Variants in CCM2 observed in about 807,000 individuals in gnomAD.
The protein encoded by CCM2 is cerebral cavernous malformations 2 protein.
In CCM2, 25 loss-of-function variants were observed where a neutral mutation model predicts 44.9. The observed-to-expected ratio is 0.56, with a 90% CI of 0.41 to 0.78. The LOEUF is 0.78. Among genes scored for constraint, CCM2 ranks in the 30% least tolerant of loss-of-function variants. CCM2 has a pLI of 0.00. For missense variants in CCM2, 481 were observed against 580.6 expected (o/e 0.83, Z 1.76); for synonymous variants, 219 against 241.1 (o/e 0.91, Z 0.85).
At chr7:45,036,083 C>T (rs1358847137) in intron 1 of CCM2, among the ~76,000 whole-genome samples, 5 of 152,000 alleles carry the variant, frequency 3.3e-5, no homozygotes, top group African/African-American at 7.3e-5. Context: ...CATGCCGGAG[C>T]AGAGATCATG....
At chr7:45,012,861 T>C (rs1387346629) in intron 1 of CCM2, among the ~76,000 whole-genome samples, 1 of 152,184 alleles carries the variant, frequency 6.6e-6, no homozygotes, top group South Asian at 2.1e-4. Context: ...CACTTTCTTA[T>C]GCTGCATGTT....
Position 45,068,576 on chromosome 7 carries a change from C to G in CCM2, c.606C>G (p.Ser202Arg). The G allele has an allele frequency of 6.2e-7, 1 of 1,613,954 alleles. No individual in the cohort carries two copies. Among genetic ancestry groups the G allele is most frequent in the Non-Finnish European group, 8.5e-7 (1 of 1,180,010 alleles). Residue 202 changes from serine (S) to arginine (R), a missense_variant, in exon 5 of 10, where the codon AGC becomes AGG. Transcript: ENST00000258781. ...GCCTGGTCATCCTGGCTGCAGAGAG[C>G]AAGGTGAGACTTTCTCGCCCCACTT... The part of the protein sequence containing the change: ...ACCLVILAAE[S>R]KVAAEELCCL...
At chr7:45,024,188 G>A (rs1440900822) in intron 1 of CCM2, among the ~76,000 whole-genome samples, 2 of 152,272 alleles carry the variant, frequency 1.3e-5, no homozygotes, top group South Asian at 2.1e-4. Context: ...CTACTGAGTA[G>A]CCAGTTCAGC....
At chr7:45,064,099 C>T (rs1798651754) in intron 3 of CCM2, 98 bp downstream of exon 3, 1 of 822,094 alleles carries the variant, frequency 1.2e-6, no homozygotes, top group Admixed American at 2.0e-5. Context: ...ATGAGCCAGT[C>T]CCATCACATT....
chr7:45,031,126 T>C (rs1362496989), intron 1 of CCM2, among the ~76,000 whole-genome samples: 1 of 151,764 alleles, frequency 6.6e-6, no homozygotes, highest in Non-Finnish European at 1.5e-5. Context: ...CTTACACCTG[T>C]AATCCCAGCA....
chr7:45,068,811 C>T (rs539913915), intron 5 of CCM2, among the ~76,000 whole-genome samples: 21 of 152,310 alleles, frequency 1.4e-4, no homozygotes, highest in East Asian at 9.7e-4. Context: ...AGCTCCTCTG[C>T]GCATGACTGC....
chr7:45,038,158 G>A, intron 1 of CCM2, 95 bp from the exon 2 acceptor site: 1 of 1,415,558 alleles, frequency 7.1e-7, no homozygotes, highest in Non-Finnish European at 9.9e-7. Flanking sequence ...TGGGGGCCAT[G>A]GTAGTAGTTT....
chr7:45,071,448 C>CGTGG (rs1799067836), intron 6 of CCM2: 1 of 216,812 alleles, frequency 4.6e-6, no homozygotes, highest in Non-Finnish European at 9.5e-6. Flanking sequence ...GTGGGATCCA[C>CGTGG]ACACAGATGT....
chr7:45,051,932 C>G, intron 2 of CCM2, among the ~76,000 whole-genome samples: 1 of 152,178 alleles, frequency 6.6e-6, no homozygotes, highest in Non-Finnish European at 1.5e-5. Flanking sequence ...GTCTTGATCT[C>G]CTGACCTCGT....
chr7:45,005,644 G>A (rs766817842), intron 1 of CCM2, among the ~76,000 whole-genome samples: 15 of 152,220 alleles, frequency 9.9e-5, no homozygotes, highest in Non-Finnish European at 1.5e-4. Flanking sequence ...ACGTGGTGGC[G>A]ATACAAGTTT....
At chr7:45,007,872 AAAG>A (rs1465487418) in intron 1 of CCM2, among the ~76,000 whole-genome samples, 1 of 152,170 alleles carries the variant, frequency 6.6e-6, no homozygotes, top group Non-Finnish European at 1.5e-5. Flanking sequence ...TGGAGAAAAA[AAAG>A]AGAGAAGCCT....
At chr7:45,044,127 TTTTTG>T (rs1475048327) in intron 2 of CCM2, among the ~76,000 whole-genome samples, 2 of 152,050 alleles carry the variant, frequency 1.3e-5, no homozygotes, top group African/African-American at 2.4e-5. Flanking sequence ...AGCTATAGTT[TTTTTG>T]TTTTGTTTTG....
intron 1 of CCM2, among the ~76,000 whole-genome samples, chr7:45,033,116 G>T (rs898318987): frequency 2.1e-5 from 3 of 145,654 alleles, no homozygotes; most frequent in Non-Finnish European, 4.5e-5. Context: ...ATGTAGGGAA[G>T]AATTGATGTG....
intron 7 of CCM2, 69 bp downstream of exon 7, chr7:45,072,852 C>T (rs1438280468): frequency 7.6e-7 from 1 of 1,318,462 alleles, no homozygotes; most frequent in Non-Finnish European, 1.1e-6. Flanking sequence ...GTTGTCCAGG[C>T]TGCAGCCAGT....
chr7:45,067,453 GC>G (rs1275475424), intron 4 of CCM2, among the ~76,000 whole-genome samples: 1 of 152,192 alleles, frequency 6.6e-6, no homozygotes, highest in Non-Finnish European at 1.5e-5. Flanking sequence ...ATGAGCCACT[GC>G]GCCTGGCCAA....
At chr7:45,018,635 C>T (rs959078683) in intron 1 of CCM2, among the ~76,000 whole-genome samples, 3 of 151,898 alleles carry the variant, frequency 2.0e-5, no homozygotes, top group African/African-American at 7.3e-5. Flanking sequence ...CGTGAGCCAC[C>T]ATGCCCAGCT....
Position 45,038,366 on chromosome 7 carries a change from A to G in CCM2, c.144A>G (p.Ser48=). 6.2e-7 allele frequency: 1 copy of G among 1,614,222 alleles called. No homozygotes were observed. The highest frequency in any genetic ancestry group is 8.5e-7 in the Non-Finnish European group (1 of 1,180,044). The change falls in exon 2 of 10, where the codon TCA becomes TCG. Residue 48 remains serine (S), a synonymous_variant. Transcript: ENST00000258781. Reference sequence around the variant, plus strand: ...GCCCTCTGCACACTGTGGTGTTGTCATTGCCTGAGCGCGTCGAGCCAGACA... The same window carrying G: ...GCCCTCTGCACACTGTGGTGTTGTCGTTGCCTGAGCGCGTCGAGCCAGACA... The part of the protein sequence containing the change: ...ERRPLHTVVL[S]LPERVEPDRL...
chr7:45,013,921 C>T (rs924301649), intron 1 of CCM2, among the ~76,000 whole-genome samples: 2 of 152,050 alleles, frequency 1.3e-5, no homozygotes, highest in African/African-American at 2.4e-5. Context: ...AAAATAATGT[C>T]GATTTGTCCC....
At chr7:45,044,574 T>C (rs979294484) in intron 2 of CCM2, among the ~76,000 whole-genome samples, 1 of 152,218 alleles carries the variant, frequency 6.6e-6, no homozygotes, top group Non-Finnish European at 1.5e-5. Flanking sequence ...CCTTACAGCA[T>C]AAACTACACT....
Sources: gnomAD v4.1 joint callset for allele counts (sites outside exome capture counted in the v4.1 genomes callset) on GRCh38, gnomAD v4.1.1 for gene constraint, MANE v1.5 for transcripts, NCBI Gene and HGNC (gene_info 2026-07-23, HGNC 2026-07-21) for gene names.